The following ALG8 variants were observed in gnomAD, a reference collection of about 807,000 sequenced individuals.
ALG8 encodes the protein ALG8 alpha-1,3-glucosyltransferase, also known as dolichyl pyrophosphate Glc1Man9GlcNAc2 alpha-1,3-glucosyltransferase.
ALG8 carries 48 observed loss-of-function variants against 70.2 expected under a neutral mutation model. The ratio of observed to expected loss-of-function variants is 0.68; its 90% CI spans 0.54 to 0.87. ALG8 has a LOEUF of 0.87. Among genes scored for constraint, ALG8 ranks in the 40% least tolerant of loss-of-function variants. ALG8 has a pLI of 0.00. For synonymous variants in ALG8, 234 were observed against 229.0 expected, an observed-to-expected ratio of 1.02 and a Z score of -0.20; for missense variants, 572 against 608.7, an observed-to-expected ratio of 0.94 and a Z score of 0.64.
intron 6 of ALG8, 113 bp downstream of exon 6, chr11:78,114,153 T>G: frequency 6.9e-7 from 1 of 1,459,210 alleles, no homozygotes; most frequent in Non-Finnish European, 9.5e-7. Flanking sequence ...CTTACAGGAT[T>G]AGCAGCTGAG....
intron 3 of ALG8, 144 bp from the exon 4 acceptor site, chr11:78,121,318 T>C (rs1399575673): frequency 1.4e-6 from 1 of 706,508 alleles, no homozygotes; most frequent in Non-Finnish European, 2.4e-6. Context: ...TTTTTCTTTT[T>C]CTTTTTTTAG....
In ALG8 at chr11:78,139,413, A is replaced by AG. The variant is rs1017046608; in HGVS notation, c.95+80dup. The AG allele has an allele frequency of 3.1e-5, 41 of 1,327,028 alleles. No individual in the cohort carries two copies. In the African/African-American group the frequency reaches 4.2e-4, roughly 14 times the overall value. 82.2% of individuals were successfully genotyped at this position (1,327,028 alleles called of 1,614,324 possible). A position where few individuals can be genotyped will look rare whatever the true frequency, so the allele number is the denominator to read the frequency against. Reference sequence around the variant, plus strand: ...GACCTAAAGTTTTCTCTTCATACCCAGGGATATCCACACCTTTCTCTCCCG... The same window carrying AG: ...GACCTAAAGTTTTCTCTTCATACCCAGGGGATATCCACACCTTTCTCTCCCG... On this transcript the variant is annotated intron_variant, in intron 1 of 12. Coordinates refer to ENST00000299626, the MANE Select transcript of ALG8 (RefSeq NM_024079.5).
At chr11:78,134,912 T>C (rs1015784172) in intron 1 of ALG8, among the ~76,000 whole-genome samples, 2 of 152,268 alleles carry the variant, frequency 1.3e-5, no homozygotes, top group Non-Finnish European at 2.9e-5. Context: ...CTTGTTAATG[T>C]TGATATCTTG....
chr11:78,106,549 C>T (rs1326219163), intron 10 of ALG8, among the ~76,000 whole-genome samples: 3 of 152,112 alleles, frequency 2.0e-5, no homozygotes, highest in East Asian at 1.9e-4. Context: ...ATCTAAAAGC[C>T]GGCTTTCATG....
In ALG8 at chr11:78,139,614, C is replaced by T. The variant is rs1299234225; in HGVS notation, c.-26G>A. 4.5e-6 allele frequency: 7 copies of T among 1,548,292 alleles called. No homozygotes were observed. The highest frequency in any genetic ancestry group is 6.1e-6 in the Non-Finnish European group (7 of 1,144,068). On this transcript the variant is annotated 5_prime_UTR_variant, in exon 1 of 13. Transcript: ENST00000299626. ...TGCTGCGGCACCGCACGCTTCCCAC[C>T]AACTTGATCCACATCCGGGATCCCG...
At position 78,104,311 on chromosome 11, in the gene ALG8, A is replaced by C. The variant is rs1189976907; in HGVS notation, c.1276+45T>G. On this transcript the variant is annotated intron_variant, in intron 11 of 12. Coordinates refer to ENST00000299626, the MANE Select transcript of ALG8 (RefSeq NM_024079.5). ...TATTAATCTGTGGGCCTCGATGAAA[A>C]GGTTGTGATAGTCAAATATATTTTT... 4 of 1,487,162 alleles carry C rather than the reference A, an allele frequency of 2.7e-6. No individual in the cohort carries two copies. The African/African-American group carries it at 5.7e-5, about 21-fold the overall frequency. 92.1% of individuals were successfully genotyped at this position (1,487,162 alleles called of 1,614,324 possible).
rs1861515107 is a variant in ALG8, at chr11:78,135,719, G to A, written c.95+3775C>T. Among the ~76,000 whole-genome samples the A allele has an allele frequency of 2.6e-5, 4 of 152,006 alleles. No individual in the cohort carries two copies. The South Asian group carries it at 8.3e-4, about 31-fold the overall frequency. On this transcript the variant is annotated intron_variant, in intron 1 of 12. Coordinates refer to ENST00000299626, the MANE Select transcript of ALG8 (RefSeq NM_024079.5). ...AAAAATTAGCAGGGCATGATGGTGT[G>A]CACCTGTAATCCCAGCTACTTGGGT...
intron 5 of ALG8, among the ~76,000 whole-genome samples, chr11:78,117,484 T>C (rs989930762): frequency 1.3e-5 from 2 of 151,648 alleles, no homozygotes; most frequent in African/African-American, 2.4e-5. Context: ...GGTAGGAGGA[T>C]TGTTCAAGGC....
intron 1 of ALG8, among the ~76,000 whole-genome samples, chr11:78,131,383 G>A (rs1412387789): frequency 6.6e-6 from 1 of 152,184 alleles, no homozygotes; most frequent in African/African-American, 2.4e-5. Context: ...TGGGAGGATA[G>A]CTTGAGGTTG....
At chr11:78,117,256 G>A (rs2136911116) in intron 5 of ALG8, among the ~76,000 whole-genome samples, 1 of 152,260 alleles carries the variant, frequency 6.6e-6, no homozygotes, top group African/African-American at 2.4e-5. Flanking sequence ...GCCTGATGGT[G>A]TATCAAAATT....
intron 3 of ALG8, 95 bp from the exon 4 acceptor site, chr11:78,121,269 G>T: frequency 3.5e-6 from 3 of 865,280 alleles, no homozygotes; most frequent in Non-Finnish European, 5.8e-6. Flanking sequence ...AGTCATTCCT[G>T]ACAAACTACA....
intron 1 of ALG8, among the ~76,000 whole-genome samples, chr11:78,132,532 T>C (rs1861347700): frequency 6.6e-6 from 1 of 152,226 alleles, no homozygotes. Flanking sequence ...TTGGTGCCTA[T>C]CTTTCCAATT....
At chr11:78,130,261 A>G (rs1481020635) in intron 1 of ALG8, among the ~76,000 whole-genome samples, 2 of 143,096 alleles carry the variant, frequency 1.4e-5, no homozygotes, top group African/African-American at 2.5e-5. Flanking sequence ...AGGTGGGAGG[A>G]CTGCCTGAGC....
chr11:78,106,084 G>A (rs989560330), intron 10 of ALG8, among the ~76,000 whole-genome samples: 2 of 152,204 alleles, frequency 1.3e-5, no homozygotes, highest in African/African-American at 4.8e-5. Flanking sequence ...CTGAAATGTA[G>A]TACAGTATCA....
chr11:78,132,312 T>TATCTCTAATGCCACCACTCCAATTCA (rs1321353325), intron 1 of ALG8, among the ~76,000 whole-genome samples: 2 of 152,218 alleles, frequency 1.3e-5, no homozygotes, highest in Admixed American at 6.5e-5. Flanking sequence ...TGTCCATTTC[T>TATCTCTAATGCCACCACTCCAATTCA]ATCTCTAATG....
At position 78,127,391 on chromosome 11, in the gene ALG8, A is replaced by T. The variant is rs1428753258; in HGVS notation, c.141T>A (p.Thr47=). The T allele has an allele frequency of 6.2e-7, 1 of 1,614,002 alleles. No homozygotes were observed. The highest frequency in any genetic ancestry group is 8.5e-7 in the Non-Finnish European group (1 of 1,179,924). The change falls in exon 2 of 13, where the codon ACT becomes ACA. Residue 47 remains threonine (T), a synonymous_variant. Transcript: ENST00000299626. ...FEVHRNWLAI[T]HSLPISQWYY... is the part of the protein sequence containing the mutation. ...ACCACTGTGATATTGGCAAACTGTG[A>T]GTGATAGCAAGCCAGTTTCGGTGTA...
chr11:78,102,767 A>T (rs934898247), intron 12 of ALG8: 2 of 152,168 alleles, frequency 1.3e-5, no homozygotes, highest in Non-Finnish European at 2.9e-5. Context: ...AGCCTGACCA[A>T]CATGGAGAAA....
At position 78,112,714 on chromosome 11, in the gene ALG8, A is replaced by C. The variant is rs1462789389; in HGVS notation, c.834T>G (p.His278Gln). Reference protein sequence around the residue: ...RLFPFKRGLCHAYWAPNFWAL... With the variant: ...RLFPFKRGLCQAYWAPNFWAL... ...CCCAGAAGTTTGGAGCCCAATATGC[A>C]TGACAGAGGCCCCTCTTGAAAGGAA... The change falls in exon 8 of 13, where the codon CAT (histidine) becomes CAG (glutamine). Residue 278 changes from histidine (H) to glutamine (Q), a missense_variant. By Grantham distance (24) the His-to-Gln change is conservative. Transcript: ENST00000299626. 1 of 1,614,110 alleles carries C rather than the reference A, an allele frequency of 6.2e-7. No homozygotes were observed.
intron 5 of ALG8, chr11:78,114,593 G>A: frequency 1.5e-6 from 1 of 646,960 alleles, no homozygotes; most frequent in South Asian, 1.8e-5. Flanking sequence ...AAATGGGTGA[G>A]GGATATATAG....
Sources: gnomAD v4.1 joint callset for allele counts (sites outside exome capture counted in the v4.1 genomes callset) on GRCh38, gnomAD v4.1.1 for gene constraint, MANE v1.5 for transcripts, NCBI Gene and HGNC (gene_info 2026-07-23, HGNC 2026-07-21) for gene names.